The following GRIP2 variants were observed in gnomAD, a reference collection of about 807,000 sequenced individuals.
The protein encoded by GRIP2 is glutamate receptor-interacting protein 2.
Under a neutral mutation model 108.3 loss-of-function variants are expected in GRIP2, and 58 were observed. That is an observed-to-expected ratio of 0.54 (90% CI 0.43 to 0.67). The LOEUF (loss-of-function observed/expected upper bound fraction) is 0.67, where lower values mean the gene tolerates loss of function less well. GRIP2 is among the 30% of genes least tolerant of loss of function. The probability of loss-of-function intolerance (pLI) is 0.00; values close to 1 mark genes in which losing one functional copy is unlikely to be tolerated. For missense variants in GRIP2, 1,278 were observed against 1,430.6 expected (o/e 0.89, Z 1.72); for synonymous variants, 586 against 598.2 (o/e 0.98, Z 0.30).
chr3:14,546,315 T>C (rs1695057249), upstream of GRIP2, among the ~76,000 whole-genome samples: 1 of 152,280 alleles, frequency 6.6e-6, no homozygotes, highest in East Asian at 1.9e-4. Context: ...GTTGGGATTC[T>C]GTTGAGTGTG....
At chr3:14,603,009 C>A in the GRIP2 span, among the ~76,000 whole-genome samples, 1 of 146,708 alleles carries the variant, frequency 6.8e-6, no homozygotes, top group Non-Finnish European at 1.5e-5. Context: ...CGGCCCGGCC[C>A]GGCCTCGCCA....
Position 14,521,613 on chromosome 3 carries a change from C to T in GRIP2, c.712+29G>A. 6.3e-7 allele frequency: 1 copy of T among 1,581,556 alleles called. No homozygotes were observed. The highest frequency in any genetic ancestry group is 1.7e-5 in the Admixed American group (1 of 57,302). The stretch of plus-strand genomic sequence containing the variant: ...CCCCATCCCAGGCCTCCTCCTGCCC[C>T]AACCCACACACTCAGGCCCCCAACT... On this transcript the variant is annotated intron_variant, in intron 7 of 23. Coordinates refer to ENST00000621039, the MANE Select transcript of GRIP2 (RefSeq NM_001080423.4). This position sits in a 1 kb window ranked among gnomAD's most constrained non-coding sequence, Gnocchi z 5.1.
upstream of GRIP2, chr3:14,542,123 CCTCTTT>C (rs756634818): frequency 2.5e-5 from 29 of 1,181,606 alleles, no homozygotes; most frequent in East Asian, 5.1e-4. Flanking sequence ...CTTCTTTCTC[CCTCTTT>C]CTCTTTCTCT....
intron 21 of GRIP2, 48 bp downstream of exon 21, chr3:14,503,518 G>A (rs1448769241): frequency 1.0e-5 from 14 of 1,361,390 alleles, no homozygotes; most frequent in African/African-American, 2.9e-5. Flanking sequence ...ACACCAGAGT[G>A]AACAGCCCCG....
chr3:14,530,885 G>A (rs1365364696), intron 1 of GRIP2: 3 of 152,124 alleles, frequency 2.0e-5, no homozygotes, highest in Non-Finnish European at 4.4e-5. Flanking sequence ...AATCTTTTTA[G>A]TTATTTTTAA....
At chr3:14,572,316 G>A in the GRIP2 span, among the ~76,000 whole-genome samples, 2,579 of 151,772 alleles carry the variant, frequency 0.017, 85 homozygotes, top group African/African-American at 0.058. Context: ...TGAGGTGGTC[G>A]TCAAGACACA....
chr3:14,560,434 C>G (rs758339743), upstream of GRIP2, among the ~76,000 whole-genome samples: 53 of 152,186 alleles, frequency 3.5e-4, no homozygotes, highest in Non-Finnish European at 7.3e-4. Context: ...AGGGGAGGAG[C>G]TTTGTCTTTC....
At chr3:14,527,367 T>TGAAAGGAAAGGAAAGGAAAG (rs776162593) in intron 1 of GRIP2, among the ~76,000 whole-genome samples, 18 of 135,876 alleles carry the variant, frequency 1.3e-4, no homozygotes, top group South Asian at 5.5e-4. Flanking sequence ...TCTAATTACT[T>TGAAAGGAAAGGAAAGGAAAG]GAAAGGAAAG....
Position 14,521,639 on chromosome 3 carries a change from C to A in GRIP2, c.712+3G>T. ...AACCCACACACTCAGGCCCCCAACT[C>A]ACCAGGGGTGGCCACATCATACTCC... On this transcript the variant is annotated splice_donor_region_variant and intron_variant, in intron 7 of 23. Coordinates refer to ENST00000621039, the MANE Select transcript of GRIP2 (RefSeq NM_001080423.4). This position sits in a 1 kb window ranked among gnomAD's most constrained non-coding sequence, Gnocchi z 5.1. 1 of 1,605,290 alleles carries A rather than the reference C, an allele frequency of 6.2e-7. No individual in the cohort carries two copies. The highest frequency in any genetic ancestry group is 8.5e-7 in the Non-Finnish European group (1 of 1,175,276).
intron 20 of GRIP2, among the ~76,000 whole-genome samples, chr3:14,504,837 A>G (rs147900683): frequency 1.2e-3 from 176 of 152,266 alleles, no homozygotes; most frequent in African/African-American, 4.0e-3. Flanking sequence ...AGAGCTGGAG[A>G]TTCATTCGCA....
chr3:14,570,216 T>C, the GRIP2 span, among the ~76,000 whole-genome samples: 1 of 152,198 alleles, frequency 6.6e-6, no homozygotes, highest in African/African-American at 2.4e-5. Flanking sequence ...CCCTTTGTCA[T>C]CTCCTTCCTG....
chr3:14,540,933 C>T (rs1479379357), upstream of GRIP2, among the ~76,000 whole-genome samples: 1 of 152,192 alleles, frequency 6.6e-6, no homozygotes, highest in Non-Finnish European at 1.5e-5. This position sits in a 1 kb window ranked among gnomAD's most constrained non-coding sequence, Gnocchi z 4.1. Flanking sequence ...AAGATGAACC[C>T]GGCAGCCTGC....
At position 14,496,452 on chromosome 3, in the gene GRIP2, C is replaced by A; in HGVS notation, c.2788G>T (p.Glu930Ter). ...EVRASPAEME[E>*]LLLPTPLEMH... ...TCCAAGGGTGTAGGCAGCAACAGCTCCTCCATTTCTGCAGGAGAGGCTCGT... is the reference window on the plus strand; with the variant it reads ...TCCAAGGGTGTAGGCAGCAACAGCTACTCCATTTCTGCAGGAGAGGCTCGT... Residue 930 changes from glutamate (E) to a stop codon, truncating the protein, a stop_gained, in exon 22 of 24, where the codon GAG becomes TAG. Transcript: ENST00000621039. LOFTEE classifies it high-confidence loss of function. 2 of 1,612,842 alleles carry A rather than the reference C, an allele frequency of 1.2e-6. No homozygotes were observed. The highest frequency in any genetic ancestry group is 1.7e-4 in the Middle Eastern group (1 of 6,058).
At chr3:14,589,523 C>T in the GRIP2 span, among the ~76,000 whole-genome samples, 1 of 152,154 alleles carries the variant, frequency 6.6e-6, no homozygotes, top group Non-Finnish European at 1.5e-5. Flanking sequence ...GGCCAATCCC[C>T]TATAGACAGT....
chr3:14,500,211 G>C (rs1050485128), intron 21 of GRIP2, among the ~76,000 whole-genome samples: 6 of 152,168 alleles, frequency 3.9e-5, no homozygotes, highest in South Asian at 2.1e-4. Context: ...AAAGCAGCTA[G>C]TACACAGTGC....
At chr3:14,494,817 C>T (rs767229529) in intron 23 of GRIP2, 26 bp downstream of exon 23, 5 of 1,602,964 alleles carry the variant, frequency 3.1e-6, no homozygotes, top group East Asian at 4.5e-5. Flanking sequence ...GCCACCCCCA[C>T]TATGGAGCCC....
At chr3:14,498,506 TG>T (rs952922800) in intron 21 of GRIP2, among the ~76,000 whole-genome samples, 1 of 150,952 alleles carries the variant, frequency 6.6e-6, no homozygotes, top group Admixed American at 6.6e-5. Context: ...TGGGTTGGAG[TG>T]GGGGGGAAGA....
chr3:14,525,412 C>G (rs7610941), intron 3 of GRIP2, 25 bp downstream of exon 3: 1 of 1,607,512 alleles, frequency 6.2e-7, no homozygotes, highest in African/African-American at 1.3e-5. Flanking sequence ...CCCCCTCCTG[C>G]GGCCGTGCCA....
At chr3:14,508,414 G>C (rs1186387059) in intron 17 of GRIP2, among the ~76,000 whole-genome samples, 1 of 152,244 alleles carries the variant, frequency 6.6e-6, no homozygotes, top group African/African-American at 2.4e-5. Flanking sequence ...CCAGGGCTGA[G>C]CAGGGGAGAA....
Sources: gnomAD v4.1 joint callset for allele counts (sites outside exome capture counted in the v4.1 genomes callset) on GRCh38, gnomAD v4.1.1 for gene constraint, Gnocchi (gnomAD v3.1) non-coding constraint, MANE v1.5 for transcripts, NCBI Gene and HGNC (gene_info 2026-07-23, HGNC 2026-07-21) for gene names.